Variants in AP3M1 observed in about 807,000 individuals in gnomAD.
AP3M1 encodes the protein adaptor related protein complex 3 subunit mu 1, also known as AP-3 complex subunit mu-1.
AP3M1 carries 29 observed loss-of-function variants against 42.6 expected under a neutral mutation model. The ratio of observed to expected loss-of-function variants is 0.68; its 90% CI spans 0.51 to 0.93. The LOEUF (loss-of-function observed/expected upper bound fraction) is 0.93, where lower values mean the gene tolerates loss of function less well. Ranked by LOEUF, AP3M1 falls within the 40% of genes least tolerant of loss-of-function variation. The probability of loss-of-function intolerance (pLI) is 0.00; values close to 1 mark genes in which losing one functional copy is unlikely to be tolerated. For synonymous variants in AP3M1, 178 were observed against 175.3 expected, an observed-to-expected ratio of 1.02 and a Z score of -0.12; for missense variants, 416 against 510.2, an observed-to-expected ratio of 0.82 and a Z score of 1.78.
chr10:74,146,105 T>A (rs1841317033), intron 1 of AP3M1, among the ~76,000 whole-genome samples: 1 of 152,206 alleles, frequency 6.6e-6, no homozygotes, highest in Non-Finnish European at 1.5e-5. Flanking sequence ...AAGATGTAAT[T>A]CCTACGATGA....
At chr10:74,147,747 T>A (rs1305151440) in intron 1 of AP3M1, among the ~76,000 whole-genome samples, 3 of 152,158 alleles carry the variant, frequency 2.0e-5, no homozygotes, top group Non-Finnish European at 4.4e-5. Flanking sequence ...ACACCTGTAA[T>A]CCCAGCACTT....
chr10:74,130,496 G>C (rs1248302232), intron 4 of AP3M1, among the ~76,000 whole-genome samples: 2 of 151,556 alleles, frequency 1.3e-5, no homozygotes, highest in African/African-American at 2.4e-5. Context: ...ACCCAGGCTG[G>C]AGCGTAGTGG....
At chr10:74,138,405 A>G in intron 1 of AP3M1, 23 bp from the exon 2 acceptor site, 3 of 1,590,690 alleles carry the variant, frequency 1.9e-6, no homozygotes, top group South Asian at 1.1e-5. Flanking sequence ...AGAAAGGTTT[A>G]AATTTATTAT....
chr10:74,141,152 T>C (rs528072853), intron 1 of AP3M1, among the ~76,000 whole-genome samples: 2 of 152,268 alleles, frequency 1.3e-5, no homozygotes, highest in Admixed American at 6.5e-5. Flanking sequence ...GAACTTTTAC[T>C]CAATAATAAG....
At chr10:74,123,947 C>T in intron 8 of AP3M1, 37 bp from the exon 9 acceptor site, 1 of 1,542,842 alleles carries the variant, frequency 6.5e-7, no homozygotes, top group Non-Finnish European at 9.0e-7. Flanking sequence ...AAATTATCAT[C>T]ATCCCAACCA....
chr10:74,149,007 G>A (rs540188071), intron 1 of AP3M1, among the ~76,000 whole-genome samples: 2 of 151,808 alleles, frequency 1.3e-5, no homozygotes, highest in South Asian at 4.2e-4. Flanking sequence ...CGAGTAGCTG[G>A]GACTACAGGC....
chr10:74,136,016 T>C (rs936813268), intron 3 of AP3M1, among the ~76,000 whole-genome samples: 5 of 152,206 alleles, frequency 3.3e-5, no homozygotes, highest in Non-Finnish European at 5.9e-5. Flanking sequence ...CGAAAGAATA[T>C]TGGTATCTGG....
chr10:74,129,770 G>A (rs886639731), intron 5 of AP3M1, 137 bp downstream of exon 5: 1 of 676,732 alleles, frequency 1.5e-6, no homozygotes, highest in Non-Finnish European at 2.5e-6. Context: ...ACTGTCTTAG[G>A]AAACTCTGCT....
rs1298430798 is a variant in AP3M1, at chr10:74,135,466, A to G, written c.445+1166T>C. ...ATCTAATGAATCTGTTATGTTTTGC[A>G]TTATATATTTTAGTAACTTTTCTCT... On this transcript the variant is annotated intron_variant, in intron 3 of 8. Coordinates refer to ENST00000355264, the MANE Select transcript of AP3M1 (RefSeq NM_012095.6). Among the ~76,000 whole-genome samples the G allele has an allele frequency of 2.6e-5, 4 of 152,290 alleles. No homozygotes were observed. The East Asian group carries it at 7.7e-4, about 29-fold the overall frequency.
At chr10:74,127,206 A>AG (rs1244293751) in intron 6 of AP3M1, among the ~76,000 whole-genome samples, 2 of 152,088 alleles carry the variant, frequency 1.3e-5, no homozygotes, top group Non-Finnish European at 2.9e-5. Flanking sequence ...CAGTCCTCCA[A>AG]GGATACCAAG....
At chr10:74,133,365 C>T (rs892322292) in intron 4 of AP3M1, among the ~76,000 whole-genome samples, 34 of 150,914 alleles carry the variant, frequency 2.3e-4, no homozygotes, top group Middle Eastern at 3.4e-3. Flanking sequence ...TTGCACTCCA[C>T]CCTGGGCAAT....
chr10:74,133,160 C>T (rs888136780), intron 4 of AP3M1, among the ~76,000 whole-genome samples: 1 of 151,982 alleles, frequency 6.6e-6, no homozygotes, highest in Non-Finnish European at 1.5e-5. Context: ...TTTGGGAGGC[C>T]GAAACGGGCA....
intron 7 of AP3M1, 96 bp from the exon 8 acceptor site, chr10:74,124,620 C>T: frequency 9.5e-7 from 1 of 1,048,122 alleles, no homozygotes. Flanking sequence ...TCTGTACAAA[C>T]TGAAGTGCAG....
In AP3M1 at chr10:74,138,223, G is replaced by A; in HGVS notation, c.157C>T (p.His53Tyr). 6.2e-7 allele frequency: 1 copy of A among 1,614,152 alleles called. No homozygotes were observed. The highest frequency in any genetic ancestry group is 8.5e-7 in the Non-Finnish European group (1 of 1,180,004). ...CGGTAGATACTGATGAGGTAGTGGT[G>A]AGGTGTTGAAATGACAGGTGGTACA... is the stretch of plus-strand genomic sequence containing the variant. ...ENVPPVISTP[H>Y]HYLISIYRDK... is the part of the protein sequence containing the mutation. Residue 53 changes from histidine to tyrosine, a missense_variant, in exon 2 of 9, where the codon CAC becomes TAC. His to Tyr is a moderately conservative substitution (Grantham distance 83, BLOSUM62 2). Transcript: ENST00000355264.
At position 74,124,460 on chromosome 10, in the gene AP3M1, T is replaced by C; in HGVS notation, c.1076A>G (p.Asn359Ser). 2 of 1,613,772 alleles carry C rather than the reference T, an allele frequency of 1.2e-6. No individual in the cohort carries two copies. The highest frequency in any genetic ancestry group is 1.7e-6 in the Non-Finnish European group (2 of 1,179,858). ...TGGTTTGGGGGCTCCAGACTGTAAA[T>C]TTACCAGTCCTTTAAGACTTGGGAG... ...QKLPSLKGLV[N>S]LQSGAPKPEE... The change falls in exon 8 of 9, where the codon AAT (asparagine) becomes AGT (serine). Residue 359 changes from asparagine to serine, a missense_variant. Asn to Ser is a conservative substitution (Grantham distance 46). Transcript: ENST00000355264.
At chr10:74,127,890 C>A (rs140886082) in intron 6 of AP3M1, among the ~76,000 whole-genome samples, 2 of 151,874 alleles carry the variant, frequency 1.3e-5, no homozygotes, top group African/African-American at 2.4e-5. Flanking sequence ...CACCTGAGGT[C>A]TGGAGTTCGA....
At chr10:74,128,842 A>ACC in intron 6 of AP3M1, 1 of 326,688 alleles carries the variant, frequency 3.1e-6, no homozygotes. Flanking sequence ...CGGTACCACA[A>ACC]TTTTTGCCCA....
Position 74,123,699 on chromosome 10 carries a change from G to A in AP3M1, c.*111C>T, listed in dbSNP as rs557914584. ...TAACTTTGTTAGCGGTGTGTAGCTA[G>A]ACACAAATGCTTTAACTAGAATATG... On this transcript the variant is annotated 3_prime_UTR_variant, in exon 9 of 9. Coordinates refer to ENST00000355264, the MANE Select transcript of AP3M1 (RefSeq NM_012095.6). The A allele has an allele frequency of 3.6e-6, 3 of 826,654 alleles. No individual in the cohort carries two copies. The African/African-American group carries it at 5.1e-5, about 14-fold the overall frequency. 51.2% of individuals were successfully genotyped at this position (826,654 alleles called of 1,614,324 possible). A position where few individuals can be genotyped will look rare whatever the true frequency, so the allele number is the denominator to read the frequency against.
At chr10:74,129,315 A>G in intron 5 of AP3M1, 74 bp from the exon 6 acceptor site, 1 of 1,490,780 alleles carries the variant, frequency 6.7e-7, no homozygotes, top group Non-Finnish European at 9.1e-7. Flanking sequence ...ACCTTGACAA[A>G]TATGTTCCCT....
Sources: gnomAD v4.1 joint callset for allele counts (sites outside exome capture counted in the v4.1 genomes callset) on GRCh38, gnomAD v4.1.1 for gene constraint, MANE v1.5 for transcripts, NCBI Gene and HGNC (gene_info 2026-07-23, HGNC 2026-07-21) for gene names.